Variants in REV3L observed in about 807,000 individuals in gnomAD.
The protein encoded by REV3L is REV3 like, DNA directed polymerase zeta catalytic subunit.
REV3L carries 69 observed loss-of-function variants against 299.4 expected under a neutral mutation model. The observed-to-expected ratio is 0.23, with a 90% confidence interval of 0.19 to 0.28. The LOEUF (loss-of-function observed/expected upper bound fraction) is 0.28, where lower values mean the gene tolerates loss of function less well. REV3L is among the 10% of genes least tolerant of loss of function. The probability of loss-of-function intolerance (pLI) is 1.00; values close to 1 mark genes in which losing one functional copy is unlikely to be tolerated. For synonymous variants in REV3L, 1,238 were observed against 1,271.4 expected (o/e 0.97, Z 0.56); for missense variants, 3,128 against 3,693.8 (o/e 0.85, Z 3.97).
In REV3L at chr6:111,372,702, G is replaced by T. The variant is rs868475757; in HGVS notation, c.5653C>A (p.Pro1885Thr). 2 of 1,604,972 alleles carry T rather than the reference G, an allele frequency of 1.2e-6. No individual in the cohort carries two copies. The highest frequency in any genetic ancestry group is 1.7e-6 in the Non-Finnish European group (2 of 1,176,082). The part of the protein sequence containing the change: ...ANILKPLMSP[P>T]SREEIMATLL... ...GTTGCCATAATTTCTTCCCTACTTG[G>T]GGGGGACATAAGTGGTTTCAGAATG... Residue 1885 changes from proline (P) to threonine (T), a missense_variant, in exon 13 of 32, where the codon CCA becomes ACA. Pro to Thr is a conservative substitution (Grantham distance 38). Around this residue, in one of 9 missense-constraint regions of REV3L, gnomAD observed 2,409 missense variants for 2,611.8 expected, o/e 0.92. Transcript: ENST00000368802.
intron 1 of REV3L, among the ~76,000 whole-genome samples, chr6:111,420,336 CCAT>C (rs1400586296): frequency 1.4e-4 from 22 of 152,116 alleles, no homozygotes; most frequent in Admixed American, 1.4e-3. Context: ...GCTAACATAT[CCAT>C]CACTTCACAT....
intron 1 of REV3L, among the ~76,000 whole-genome samples, chr6:111,478,265 A>AT (rs1186770340): frequency 6.6e-6 from 1 of 152,212 alleles, no homozygotes; most frequent in African/African-American, 2.4e-5. Context: ...TAGTCCAGTC[A>AT]TACTGCATTT....
At chr6:111,300,408 T>A (rs1020143951) in intron 31 of REV3L, among the ~76,000 whole-genome samples, 1 of 152,236 alleles carries the variant, frequency 6.6e-6, no homozygotes, top group Non-Finnish European at 1.5e-5. Context: ...AGATTAACTT[T>A]CATTTACAAT....
At position 111,412,329 on chromosome 6, in the gene REV3L, A is replaced by G. The variant is rs191024260; in HGVS notation, c.330-775T>C. Reference sequence around the variant, plus strand: ...AGGAAAGGGGGAAGCAAAAGGCTATATAACAGGAAGAGAAATCCTCGGTGC... The same window carrying G: ...AGGAAAGGGGGAAGCAAAAGGCTATGTAACAGGAAGAGAAATCCTCGGTGC... On this transcript the variant is annotated intron_variant, in intron 2 of 31. Transcript: ENST00000368802. The G allele has an allele frequency of 1.2e-3, 1,100 of 905,138 alleles. 2 individuals carry two copies. Among genetic ancestry groups the G allele is most frequent in the Non-Finnish European group, 1.2e-3 (938 of 756,646 alleles). 56.1% of individuals were successfully genotyped at this position (905,138 alleles called of 1,614,324 possible).
At chr6:111,302,376 T>A (rs1488473093) in intron 31 of REV3L, among the ~76,000 whole-genome samples, 1 of 152,208 alleles carries the variant, frequency 6.6e-6, no homozygotes. Context: ...TGTGCTTGTC[T>A]GATAAATAAG....
At chr6:111,430,647 A>G (rs1256978462) in intron 1 of REV3L, 1 of 1,523,572 alleles carries the variant, frequency 6.6e-7, no homozygotes, top group African/African-American at 1.4e-5. Flanking sequence ...CTGGCCGAGA[A>G]GAGAGAGGAC....
intron 26 of REV3L, among the ~76,000 whole-genome samples, chr6:111,317,639 TGC>T (rs1773681669): frequency 6.6e-6 from 1 of 152,246 alleles, no homozygotes; most frequent in African/African-American, 2.4e-5. Flanking sequence ...ACATAAGACT[TGC>T]TTTCTGTTAT....
chr6:111,359,625 A>G (rs1330748853), intron 16 of REV3L, among the ~76,000 whole-genome samples: 3 of 151,820 alleles, frequency 2.0e-5, no homozygotes, highest in South Asian at 2.1e-4. Flanking sequence ...AAAAAAGTTA[A>G]TATTTGCTTT....
chr6:111,313,797 A>G (rs1305386777), intron 27 of REV3L, among the ~76,000 whole-genome samples: 1 of 152,146 alleles, frequency 6.6e-6, no homozygotes, highest in African/African-American at 2.4e-5. Context: ...TTCCGGATCT[A>G]TCTCCTGCTT....
At chr6:111,371,228 C>T (rs891799833) in intron 13 of REV3L, among the ~76,000 whole-genome samples, 1 of 152,132 alleles carries the variant, frequency 6.6e-6, no homozygotes, top group African/African-American at 2.4e-5. Flanking sequence ...CTGGATTAAG[C>T]CACATTACCC....
intron 13 of REV3L, among the ~76,000 whole-genome samples, chr6:111,371,140 A>G (rs555103192): frequency 1.3e-5 from 2 of 152,218 alleles, no homozygotes; most frequent in African/African-American, 4.8e-5. Flanking sequence ...GGCTGAAATG[A>G]ACTGCCTGCT....
At chr6:111,461,787 T>C (rs1202600152) in intron 1 of REV3L, among the ~76,000 whole-genome samples, 1 of 151,658 alleles carries the variant, frequency 6.6e-6, no homozygotes, top group Non-Finnish European at 1.5e-5. Context: ...GAGGTATAAA[T>C]AAATAAGCAA....
intron 21 of REV3L, among the ~76,000 whole-genome samples, chr6:111,342,558 C>T (rs997111803): frequency 2.0e-4 from 31 of 151,772 alleles, no homozygotes; most frequent in African/African-American, 7.5e-4. Context: ...GTCCCAGGTA[C>T]TCGGGAGGCT....
intron 1 of REV3L, among the ~76,000 whole-genome samples, chr6:111,478,199 C>T (rs1163140129): frequency 1.3e-5 from 2 of 152,022 alleles, no homozygotes; most frequent in Non-Finnish European, 2.9e-5. Flanking sequence ...CCCTTTTTGC[C>T]TGGATATAGA....
chr6:111,359,674 G>A (rs1404461560), intron 16 of REV3L, among the ~76,000 whole-genome samples: 1 of 151,946 alleles, frequency 6.6e-6, no homozygotes, highest in Non-Finnish European at 1.5e-5. Context: ...ACTTTTAACT[G>A]TAATTCTTAG....
intron 4 of REV3L, among the ~76,000 whole-genome samples, chr6:111,398,497 A>G (rs780336368): frequency 4.3e-4 from 66 of 152,292 alleles, no homozygotes; most frequent in Admixed American, 6.5e-5. Flanking sequence ...AGTAATTAGC[A>G]TCATTTCCAT....
intron 5 of REV3L, 78 bp from the exon 6 acceptor site, chr6:111,390,258 T>C (rs1197175988): frequency 1.6e-5 from 14 of 880,808 alleles, no homozygotes; most frequent in Non-Finnish European, 2.6e-5. Context: ...TATACAATTA[T>C]CTTACATTTA....
At chr6:111,365,182 G>A (rs565962117) in intron 15 of REV3L, 83 bp downstream of exon 15, 1 of 904,934 alleles carries the variant, frequency 1.1e-6, no homozygotes, top group East Asian at 3.1e-5. Flanking sequence ...TTTTAATTGA[G>A]ACAAAGTTAA....
Position 111,392,788 on chromosome 6 carries a change from G to A in REV3L, c.662+88C>T, listed in dbSNP as rs964002307. ...ATTAAAAAGATCCAATACAATAAAAGGTTAAAATTTAATTATGGTAACCAC... is the reference window on the plus strand; with the variant it reads ...ATTAAAAAGATCCAATACAATAAAAAGTTAAAATTTAATTATGGTAACCAC... On this transcript the variant is annotated intron_variant, in intron 5 of 31. Transcript: ENST00000368802. The A allele has an allele frequency of 3.8e-5, 31 of 808,596 alleles. No individual in the cohort carries two copies. In the East Asian group the frequency reaches 7.0e-4, roughly 18 times the overall value. 50.1% of individuals were successfully genotyped at this position (808,596 alleles called of 1,614,324 possible).
Sources: gnomAD v4.1 joint callset for allele counts (sites outside exome capture counted in the v4.1 genomes callset) on GRCh38, gnomAD v4.1.1 for gene constraint, gnomAD v4.1.1 regional missense constraint, MANE v1.5 for transcripts, NCBI Gene and HGNC (gene_info 2026-07-23, HGNC 2026-07-21) for gene names.